The following RORA variants were observed in gnomAD, a reference collection of about 807,000 sequenced individuals.
The protein encoded by RORA is RAR related orphan receptor A.
A neutral mutation model predicts 69.5 loss-of-function variants in RORA; 7 were observed. That is an observed-to-expected ratio of 0.10 (90% confidence interval 0.06 to 0.19). RORA has a LOEUF of 0.19. Among genes scored for constraint, RORA ranks in the 10% least tolerant of loss-of-function variants. The pLI, the probability that RORA is intolerant of heterozygous loss-of-function variation, is 1.00. For missense variants in RORA, 457 were observed against 663.0 expected (o/e 0.69, Z 3.41); for synonymous variants, 261 against 240.8 (o/e 1.08, Z -0.78).
chr15:60,743,403 C>T (rs529143488), intron 1 of RORA, among the ~76,000 whole-genome samples: 1 of 152,256 alleles, frequency 6.6e-6, no homozygotes, highest in South Asian at 2.1e-4. Context: ...GGTTAAGTAG[C>T]TACTTATTAA....
Position 60,830,475 on chromosome 15 carries a change from C to T in RORA, c.167-151789G>A, listed in dbSNP as rs116048978. On this transcript the variant is annotated intron_variant, in intron 1 of 10. Transcript: ENST00000335670. Reference sequence around the variant, plus strand: ...ATTCTTTGAAAATGTTACACTTAATCGCTGCATAATATTATATTATAGCTC... The same window carrying T: ...ATTCTTTGAAAATGTTACACTTAATTGCTGCATAATATTATATTATAGCTC... 2.0e-3 allele frequency among the ~76,000 whole-genome samples: 305 copies of T among 152,272 alleles called. 1 individual carries two copies. Among genetic ancestry groups the T allele is most frequent in the African/African-American group, 6.7e-3 (280 of 41,562 alleles).
At chr15:60,847,337 G>C (rs550054158) in intron 1 of RORA, among the ~76,000 whole-genome samples, 10 of 152,176 alleles carry the variant, frequency 6.6e-5, no homozygotes, top group African/African-American at 2.2e-4. Flanking sequence ...AGTCTAATCA[G>C]AGTCTGTGGC....
intron 1 of RORA, among the ~76,000 whole-genome samples, chr15:60,758,784 A>G (rs907607075): frequency 1.3e-5 from 2 of 152,212 alleles, no homozygotes; most frequent in Middle Eastern, 3.2e-3. Context: ...TATCTCCTGA[A>G]GCACTGTGCC....
At chr15:61,228,985 C>CCCGGCCG (rs1396145708) in intron 1 of RORA, 68 bp downstream of exon 1, 1 of 899,492 alleles carries the variant, frequency 1.1e-6, no homozygotes, top group Non-Finnish European at 1.4e-6. Context: ...GGCGCCCGCT[C>CCCGGCCG]CCGGCCGCCC....
At chr15:60,521,801 GAC>G (rs1180568435) in intron 3 of RORA, among the ~76,000 whole-genome samples, 2 of 152,092 alleles carry the variant, frequency 1.3e-5, no homozygotes, top group Non-Finnish European at 2.9e-5. Context: ...TCGATTTCCT[GAC>G]ACAGAGTCCC....
chr15:60,684,109 G>A (rs1351598462), intron 1 of RORA, among the ~76,000 whole-genome samples: 1 of 149,468 alleles, frequency 6.7e-6, no homozygotes. Context: ...TTTTTTTTTA[G>A]TAAGAGGTGG....
chr15:60,847,710 T>A (rs1369539954), intron 1 of RORA: 1 of 152,126 alleles, frequency 6.6e-6, no homozygotes, highest in Admixed American at 6.5e-5. Flanking sequence ...TATTAATAAG[T>A]TTTCCATATT....
intron 1 of RORA, among the ~76,000 whole-genome samples, chr15:60,851,777 AT>A (rs11433611): frequency 5.7e-3 from 815 of 141,814 alleles, no homozygotes; most frequent in Non-Finnish European, 9.0e-3. Context: ...AGAGAGAGAG[AT>A]TTTTTTTTTT....
chr15:60,517,121 TTTC>T (rs2065989861), intron 3 of RORA, among the ~76,000 whole-genome samples: 1 of 150,240 alleles, frequency 6.7e-6, no homozygotes, highest in African/African-American at 2.5e-5. Flanking sequence ...TTTTTTTTTT[TTTC>T]CCCCCTACAA....
chr15:60,627,141 G>A (rs570021252), intron 2 of RORA: 537 of 1,032,018 alleles, frequency 5.2e-4, no homozygotes, highest in Admixed American at 6.8e-4. Flanking sequence ...AGATATTCTT[G>A]GAGAACTGAC....
Position 60,710,016 on chromosome 15 carries a change from C to A in RORA, c.167-31330G>T, listed in dbSNP as rs138344487. 1.7e-3 allele frequency among the ~76,000 whole-genome samples: 258 copies of A among 152,170 alleles called. 1 individual carries two copies. Among genetic ancestry groups the A allele is most frequent in the Non-Finnish European group, 2.7e-3 (187 of 68,016 alleles). ...GTTCTGCTGAGGAGGGAAGTAGTAA[C>A]TTGAATATCATGTGTCTGGTCTGTC... On this transcript the variant is annotated intron_variant, in intron 1 of 10. Transcript: ENST00000335670.
intron 1 of RORA, among the ~76,000 whole-genome samples, chr15:61,010,131 T>C (rs564979625): frequency 1.3e-5 from 2 of 152,324 alleles, no homozygotes; most frequent in Non-Finnish European, 2.9e-5. Context: ...CTATTCCTTG[T>C]CAGATGGTGA....
At chr15:61,224,691 C>G (rs982637314) in intron 1 of RORA, among the ~76,000 whole-genome samples, 4 of 152,318 alleles carry the variant, frequency 2.6e-5, no homozygotes, top group African/African-American at 9.6e-5. Flanking sequence ...TAGCTCTGGA[C>G]AGAGGGCAGT....
intron 1 of RORA, among the ~76,000 whole-genome samples, chr15:60,940,490 G>C (rs1892660162): frequency 6.6e-6 from 1 of 152,160 alleles, no homozygotes; most frequent in Non-Finnish European, 1.5e-5. Context: ...GGAAGCCAGA[G>C]GCCAGGTTGC....
chr15:60,927,498 T>A (rs978316258), intron 1 of RORA, among the ~76,000 whole-genome samples: 1 of 152,176 alleles, frequency 6.6e-6, no homozygotes, highest in African/African-American at 2.4e-5. Flanking sequence ...ACCGTCTGAC[T>A]GTGGTGGCTC....
At chr15:61,160,210 A>G (rs1486606363) in intron 1 of RORA, among the ~76,000 whole-genome samples, 1 of 152,356 alleles carries the variant, frequency 6.6e-6, no homozygotes, top group East Asian at 1.9e-4. Context: ...TACTTCAAAC[A>G]AACAAAAAAT....
intron 1 of RORA, among the ~76,000 whole-genome samples, chr15:60,995,654 CT>C (rs933695500): frequency 3.9e-5 from 6 of 152,356 alleles, no homozygotes; most frequent in African/African-American, 1.4e-4. Flanking sequence ...ATGTGTATTC[CT>C]TTTCAAATCA....
intron 1 of RORA, among the ~76,000 whole-genome samples, chr15:61,049,309 C>T (rs1362285274): frequency 6.6e-6 from 1 of 152,004 alleles, no homozygotes. Flanking sequence ...ATGGTGATAT[C>T]CCCCCGTCTA....
At chr15:60,669,334 CG>C in intron 2 of RORA, among the ~76,000 whole-genome samples, 2 of 28,892 alleles carry the variant, frequency 6.9e-5, no homozygotes, top group East Asian at 1.4e-3. Context: ...TCCCAATAAG[CG>C]TTTTTTTGTT....
Sources: gnomAD v4.1 joint callset for allele counts (sites outside exome capture counted in the v4.1 genomes callset) on GRCh38, gnomAD v4.1.1 for gene constraint, MANE v1.5 for transcripts, NCBI Gene and HGNC (gene_info 2026-07-23, HGNC 2026-07-21) for gene names.